Variants in NEBL observed in about 807,000 individuals in gnomAD.
NEBL encodes the protein LIM and SH3 protein 2.
NEBL carries 122 observed loss-of-function variants against 140.2 expected under a neutral mutation model. The observed-to-expected ratio is 0.87, with a 90% CI of 0.75 to 1.01. The LOEUF (loss-of-function observed/expected upper bound fraction) is 1.01, where lower values mean the gene tolerates loss of function less well. Among genes scored for constraint, NEBL ranks in the 50% least tolerant of loss-of-function variants. The pLI, the probability that NEBL is intolerant of heterozygous loss-of-function variation, is 0.00. For missense variants in NEBL, 1,365 were observed against 1,231.3 expected, an observed-to-expected ratio of 1.11 and a Z score of -1.62; for synonymous variants, 436 against 398.9, an observed-to-expected ratio of 1.09 and a Z score of -1.11.
At chr10:21,043,466 A>G (rs1220820142) in intron 2 of NEBL, among the ~76,000 whole-genome samples, 1 of 152,228 alleles carries the variant, frequency 6.6e-6, no homozygotes, top group African/African-American at 2.4e-5. Flanking sequence ...TTTAAAAGGG[A>G]CAACTTTAAG....
chr10:20,977,502 G>C (rs1355817548), intron 3 of NEBL, among the ~76,000 whole-genome samples: 1 of 152,124 alleles, frequency 6.6e-6, no homozygotes, highest in East Asian at 1.9e-4. Context: ...GAGCTGAAAG[G>C]CTGGGCTTGC....
At chr10:20,881,348 T>G (rs963480526) in intron 4 of NEBL, among the ~76,000 whole-genome samples, 3 of 152,202 alleles carry the variant, frequency 2.0e-5, no homozygotes, top group African/African-American at 7.2e-5. Flanking sequence ...TAAGCCTCAT[T>G]AAGTGCACAA....
At chr10:21,242,224 G>C (rs1588554811) in intron 3 of NEBL, among the ~76,000 whole-genome samples, 2 of 151,950 alleles carry the variant, frequency 1.3e-5, no homozygotes, top group South Asian at 4.2e-4. Flanking sequence ...AAAAAGAAAA[G>C]AAAAGAAAAG....
At chr10:21,138,635 T>C (rs1040416734) in intron 2 of NEBL, among the ~76,000 whole-genome samples, 2 of 152,086 alleles carry the variant, frequency 1.3e-5, no homozygotes, top group African/African-American at 4.8e-5. Context: ...CTCCAGGTGC[T>C]ATGTTATGTG....
chr10:21,171,132 T>A (rs1841052390), intron 2 of NEBL, among the ~76,000 whole-genome samples: 1 of 152,000 alleles, frequency 6.6e-6, no homozygotes, highest in South Asian at 2.1e-4. Context: ...GGTCCAGAGT[T>A]CGAGGCCAGC....
At chr10:21,251,869 T>G (rs1484722879) in intron 1 of NEBL, among the ~76,000 whole-genome samples, 1 of 152,150 alleles carries the variant, frequency 6.6e-6, no homozygotes, top group East Asian at 1.9e-4. Context: ...CTACCCAGTT[T>G]ATGGTATTTG....
intron 2 of NEBL, among the ~76,000 whole-genome samples, chr10:21,080,844 GT>G (rs1293861911): frequency 6.6e-6 from 1 of 151,844 alleles, no homozygotes; most frequent in African/African-American, 2.4e-5. Flanking sequence ...ATGTGATCTG[GT>G]TTTTTTGTTT....
At position 21,173,721 on chromosome 10, in the gene NEBL, C is replaced by G. The variant is rs561214792; in HGVS notation, c.69+44G>C. 1.1e-5 allele frequency: 18 copies of G among 1,611,458 alleles called. No homozygotes were observed. The East Asian group carries it at 3.6e-4, about 32-fold the overall frequency. On this transcript the variant is annotated intron_variant, in intron 1 of 6. Coordinates refer to the NEBL transcript ENST00000417816. The surrounding 1 kb of genome is among the most constrained non-coding windows in gnomAD (Gnocchi z 5.7). ...AAAACTTCTCGAAGCAGGTGCAGCC[C>G]CTCGCCCGGCAGGTCCAGGCTGGCC...
At chr10:21,272,735 T>TA in intron 1 of NEBL, among the ~76,000 whole-genome samples, 1 of 152,320 alleles carries the variant, frequency 6.6e-6, no homozygotes, top group African/African-American at 2.4e-5. Context: ...AGCATTATCT[T>TA]AAAAAATCAA....
At chr10:20,927,612 C>T (rs879324350) in intron 4 of NEBL, among the ~76,000 whole-genome samples, 3 of 152,174 alleles carry the variant, frequency 2.0e-5, no homozygotes, top group Non-Finnish European at 2.9e-5. Context: ...AAAACCAAAA[C>T]CTATCTTTTA....
chr10:21,030,806 G>T, intron 2 of NEBL: 1 of 361,218 alleles, frequency 2.8e-6, no homozygotes, highest in East Asian at 7.1e-5. Context: ...TGTGAAATAC[G>T]GAATTTGTGA....
rs1833699732 is a variant in NEBL at position 21,029,743 on chromosome 10, AT to A, written c.165-9543del. The A allele has an allele frequency of 3.7e-6, 3 of 806,784 alleles. No homozygotes were observed. The South Asian group carries it at 4.2e-5, about 11-fold the overall frequency. The allele number at this position is 806,784 out of a possible 1,614,324, so 50.0% of individuals were successfully genotyped here. A position where few individuals can be genotyped will look rare whatever the true frequency, so the allele number is the denominator to read the frequency against. Reference sequence around the variant, plus strand: ...GTATCGGGATGGCCCATGCCGGGATATGGATCGATATGGCTGGCGGTAGGGA... The same window carrying A: ...GTATCGGGATGGCCCATGCCGGGATAGGATCGATATGGCTGGCGGTAGGGA... On this transcript the variant is annotated intron_variant, in intron 2 of 6. Coordinates refer to the NEBL transcript ENST00000417816.
chr10:20,909,057 G>T (rs931965762), intron 4 of NEBL, among the ~76,000 whole-genome samples: 2 of 151,880 alleles, frequency 1.3e-5, no homozygotes, highest in African/African-American at 4.8e-5. Context: ...TGGGGTACAT[G>T]AAATGTTTTG....
intron 3 of NEBL, among the ~76,000 whole-genome samples, chr10:20,997,140 TC>T (rs905924598): frequency 4.6e-5 from 7 of 152,166 alleles, no homozygotes; most frequent in African/African-American, 1.7e-4. Flanking sequence ...GAAAGTCATT[TC>T]CCCTTAAATA....
At chr10:21,186,394 G>A (rs1436458268) in intron 3 of NEBL, among the ~76,000 whole-genome samples, 1 of 151,988 alleles carries the variant, frequency 6.6e-6, no homozygotes, top group East Asian at 1.9e-4. Flanking sequence ...TAGGTCATGA[G>A]GGTGTATACG....
Position 21,003,751 on chromosome 10 carries a change from T to C in NEBL, c.249+16366A>G, listed in dbSNP as rs567972660. Among the ~76,000 whole-genome samples the C allele has an allele frequency of 1.1e-4, 17 of 152,340 alleles. No homozygotes were observed. The South Asian group carries it at 2.5e-3, about 22-fold the overall frequency. On this transcript the variant is annotated intron_variant, in intron 3 of 6. Transcript: ENST00000417816. ...CACAGGTACAATCACATGAGGAATGTAGGAAAATTGTCATATAATTCTGCT... is the reference window on the plus strand; with the variant it reads ...CACAGGTACAATCACATGAGGAATGCAGGAAAATTGTCATATAATTCTGCT...
At chr10:20,982,957 T>C (rs1837113456) in intron 3 of NEBL, among the ~76,000 whole-genome samples, 1 of 152,224 alleles carries the variant, frequency 6.6e-6, no homozygotes, top group Non-Finnish European at 1.5e-5. Context: ...TAGAATGTTT[T>C]ATCTACAATC....
chr10:21,163,756 G>A lies in NEBL; in HGVS notation c.164+8627C>T, dbSNP rs982034341. Among the ~76,000 whole-genome samples the A allele has an allele frequency of 3.9e-5, 6 of 152,206 alleles. 1 individual carries two copies. The highest frequency in any genetic ancestry group is 1.4e-4 in the African/African-American group (6 of 41,450). On this transcript the variant is annotated intron_variant, in intron 2 of 6. Coordinates refer to the NEBL transcript ENST00000417816. ...ACAACAGACCACCAGTCTGGTTATT[G>A]ATCAGATGCTATTCAAGAATGCACA...
intron 2 of NEBL, among the ~76,000 whole-genome samples, chr10:21,163,433 C>A (rs1378332795): frequency 6.6e-6 from 1 of 152,140 alleles, no homozygotes; most frequent in African/African-American, 2.4e-5. Context: ...CTGAGGTATG[C>A]GTTTGCTGCA....
Sources: gnomAD v4.1 joint callset for allele counts (sites outside exome capture counted in the v4.1 genomes callset) on GRCh38, gnomAD v4.1.1 for gene constraint, Gnocchi (gnomAD v3.1) non-coding constraint, MANE v1.5 for transcripts, NCBI Gene and HGNC (gene_info 2026-07-23, HGNC 2026-07-21) for gene names.